Variants in PARG observed in about 807,000 individuals in gnomAD.
The protein encoded by PARG is poly(ADP-ribose) glycohydrolase.
In PARG, 35 loss-of-function variants were observed where a neutral mutation model predicts 113.0. That is an observed-to-expected ratio of 0.31 (90% CI 0.24 to 0.41). The LOEUF (loss-of-function observed/expected upper bound fraction) is 0.41, where lower values mean the gene tolerates loss of function less well. Ranked by LOEUF, PARG falls within the 10% of genes least tolerant of loss-of-function variation. PARG has a pLI of 1.00. For missense variants in PARG, 797 were observed against 1,169.4 expected, an observed-to-expected ratio of 0.68 and a Z score of 4.64; for synonymous variants, 330 against 409.9, an observed-to-expected ratio of 0.81 and a Z score of 2.36.
intron 13 of PARG, among the ~76,000 whole-genome samples, chr10:49,851,997 A>G (rs1300336529): frequency 1.3e-5 from 2 of 151,622 alleles, no homozygotes; most frequent in African/African-American, 4.8e-5. Context: ...CACAATGATG[A>G]TAAATTTAAT....
chr10:49,907,234 T>C (rs1288896295), intron 7 of PARG, among the ~76,000 whole-genome samples: 8 of 152,250 alleles, frequency 5.3e-5, no homozygotes, highest in African/African-American at 1.9e-4. Context: ...GTCACTCAGC[T>C]TACTAAAAAC....
intron 7 of PARG, among the ~76,000 whole-genome samples, chr10:49,899,502 C>T (rs1466228045): frequency 1.3e-5 from 2 of 152,080 alleles, no homozygotes; most frequent in South Asian, 2.1e-4. Context: ...TGTGTATCGC[C>T]CATGACAATT....
rs1838578442 is a variant in PARG, at chr10:49,933,291, A to C, written c.1157T>G (p.Leu386Arg). The C allele has an allele frequency of 1.2e-6, 2 of 1,607,642 alleles. No individual in the cohort carries two copies. Among genetic ancestry groups the C allele is most frequent in the Admixed American group, 3.4e-5 (2 of 59,560 alleles). Reference protein sequence around the residue: ...RTGMNDLNAKLPGNISSLNVE... With the variant: ...RTGMNDLNAKRPGNISSLNVE... ...ATTCAGGCTAGAAATATTTCCAGGT[A>C]GTTTAGCATTTAAATCATTCATTCC... The change falls in exon 3 of 18, where the codon CTA (leucine) becomes CGA (arginine). Residue 386 changes from leucine (L) to arginine (R), a missense_variant. This residue lies in a region of PARG where 252 missense variants were observed against 437.4 expected (regional missense o/e 0.58). Coordinates refer to ENST00000616448, the MANE Select transcript of PARG (RefSeq NM_003631.5).
chr10:49,896,850 T>A (rs567090621), intron 7 of PARG, among the ~76,000 whole-genome samples: 1 of 152,192 alleles, frequency 6.6e-6, no homozygotes, highest in East Asian at 1.9e-4. Flanking sequence ...CCTCCTCTCT[T>A]ATTTGAGTTT....
intron 13 of PARG, among the ~76,000 whole-genome samples, chr10:49,855,109 A>G (rs1189291298): frequency 1.3e-5 from 2 of 150,650 alleles, no homozygotes; most frequent in African/African-American, 4.9e-5. Context: ...TGTCTAAAAA[A>G]CTAAAGTATA....
chr10:49,905,115 T>A (rs76845808), intron 7 of PARG, among the ~76,000 whole-genome samples: 3,065 of 140,958 alleles, frequency 0.022, no homozygotes, highest in Middle Eastern at 0.057. Flanking sequence ...GACGAGCTTT[T>A]CCTTTGAGAT....
chr10:49,922,662 A>G lies in PARG; in HGVS notation c.1463T>C (p.Leu488Pro). ...TTTAGGAACTTCTCCTGCTCGCAAA[A>G]GATCTACCTGAAATTGAGGGTAAAC... ...ANHTVTIRVD[L>P]LRAGEVPKPF... The change falls in exon 5 of 18, where the codon CTT (leucine) becomes CCT (proline). Residue 488 changes from leucine to proline, a missense_variant. Transcript: ENST00000616448. The G allele has an allele frequency of 6.4e-7, 1 of 1,566,510 alleles. No homozygotes were observed. The highest frequency in any genetic ancestry group is 8.7e-7 in the Non-Finnish European group (1 of 1,151,308).
chr10:49,869,948 TATCAAA>T (rs1846712507), intron 9 of PARG, among the ~76,000 whole-genome samples: 1 of 152,034 alleles, frequency 6.6e-6, no homozygotes, highest in Non-Finnish European at 1.5e-5. Context: ...ACAAAAACGG[TATCAAA>T]AAAAATCCTT....
At chr10:49,892,814 G>A (rs1847874581) in intron 7 of PARG, among the ~76,000 whole-genome samples, 1 of 152,168 alleles carries the variant, frequency 6.6e-6, no homozygotes, top group South Asian at 2.1e-4. Flanking sequence ...AGGCACGGTG[G>A]CTCACCCCTG....
At chr10:49,907,694 TAAG>T (rs200477044) in intron 7 of PARG, among the ~76,000 whole-genome samples, 696 of 152,194 alleles carry the variant, frequency 4.6e-3, no homozygotes, top group East Asian at 0.018. Context: ...AGTAGGAACA[TAAG>T]AAGAATAAAT....
At position 49,933,690 on chromosome 10, in the gene PARG, T is replaced by A. The variant is rs1435298172; in HGVS notation, c.758A>T (p.Asp253Val). The part of the protein sequence containing the change: ...PGEDCASCQQ[D>V]EIDVVPESPL... ...ACTCTCTGGCACCACATCTATCTCA[T>A]CTTGCTGACAACTTGCACAGTCTTC... Residue 253 changes from aspartate to valine, a missense_variant, in exon 3 of 18, where the codon GAT (aspartate) becomes GTT (valine). Asp to Val is a radical substitution (Grantham distance 152). Coordinates refer to ENST00000616448, the MANE Select transcript of PARG (RefSeq NM_003631.5). 25 of 1,611,506 alleles carry A rather than the reference T, an allele frequency of 1.6e-5. 1 individual carries two copies. The Admixed American group carries it at 2.8e-4, about 18-fold the overall frequency.
At position 49,843,541 on chromosome 10, in the gene PARG, G is replaced by A. The variant is rs2132454496; in HGVS notation, c.2432+13C>T. ...TTTTAGCCATGGAATACTGAAGACA[G>A]AAACAGACTCACCTTTCACTCCCAT... On this transcript the variant is annotated intron_variant, in intron 14 of 17. Transcript: ENST00000616448. 6.5e-7 allele frequency: 1 copy of A among 1,531,228 alleles called. No individual in the cohort carries two copies. Among genetic ancestry groups the A allele is most frequent in the East Asian group, 2.5e-5 (1 of 40,816 alleles). The allele number at this position is 1,531,228 out of a possible 1,614,324, so 94.9% of individuals were successfully genotyped here.
intron 17 of PARG, 99 bp from the exon 18 acceptor site, chr10:49,819,593 G>A: frequency 2.3e-6 from 2 of 863,644 alleles, no homozygotes; most frequent in South Asian, 1.8e-5. Context: ...AATGGCATAT[G>A]CTCAGACTTG....
chr10:49,844,171 AG>A (rs1198336616), intron 13 of PARG, among the ~76,000 whole-genome samples: 1 of 152,132 alleles, frequency 6.6e-6, no homozygotes, highest in African/African-American at 2.4e-5. Flanking sequence ...AAGAAAAGAA[AG>A]GGGAAATTAA....
chr10:49,917,323 T>C (rs553571339), intron 6 of PARG, among the ~76,000 whole-genome samples: 1 of 151,742 alleles, frequency 6.6e-6, no homozygotes, highest in African/African-American at 2.4e-5. Context: ...ACCATGTCTC[T>C]AATAAAAATA....
Position 49,933,867 on chromosome 10 carries a change from T to C in PARG, c.581A>G (p.Asp194Gly), listed in dbSNP as rs1259818653. 2,794 of 1,597,004 alleles carry C rather than the reference T, an allele frequency of 1.7e-3. 5 individuals are homozygous for C. The highest frequency in any genetic ancestry group is 5.4e-3 in the South Asian group (489 of 90,770). Residue 194 changes from aspartate to glycine, a missense_variant, in exon 3 of 18, where the codon GAT becomes GGT. Asp to Gly is a moderately conservative substitution (Grantham distance 94). Coordinates refer to ENST00000616448, the MANE Select transcript of PARG (RefSeq NM_003631.5). ...TTCACTATCTGTGTCACTGTGATCA[T>C]CATTTTGAGGTGACCGATCAATGTT... is the stretch of plus-strand genomic sequence containing the variant. ...NANIDRSPQN[D>G]DHSDTDSEEN...
At chr10:49,829,320 A>C (rs1844537653) in intron 16 of PARG, among the ~76,000 whole-genome samples, 1 of 152,008 alleles carries the variant, frequency 6.6e-6, no homozygotes, top group Non-Finnish European at 1.5e-5. Flanking sequence ...CTGACCTTGA[A>C]CTTCAGGGCT....
intron 13 of PARG, among the ~76,000 whole-genome samples, chr10:49,848,478 C>T (rs537081879): frequency 0.011 from 1,555 of 146,030 alleles, 14 homozygotes; most frequent in Non-Finnish European, 0.015. Flanking sequence ...ACTAGAGTTT[C>T]CAGTCTATTA....
At chr10:49,830,306 C>T (rs1179331637) in intron 16 of PARG, among the ~76,000 whole-genome samples, 2 of 152,164 alleles carry the variant, frequency 1.3e-5, no homozygotes, top group Non-Finnish European at 2.9e-5. Context: ...AAAAAAGTAT[C>T]TGTCGTAAGA....
Sources: allele counts gnomAD v4.1 joint callset (sites outside exome capture counted in the v4.1 genomes callset), GRCh38; gene constraint gnomAD v4.1.1; regional missense constraint gnomAD v4.1.1; transcripts MANE v1.5; gene names NCBI Gene and HGNC (gene_info 2026-07-23, HGNC 2026-07-21).